NPNT: variants seen among roughly 807,000 people sequenced by gnomAD.
NPNT encodes preosteoblast EGF-like repeat protein with MAM domain.
In NPNT, 45 loss-of-function variants were observed where a neutral mutation model predicts 68.6. The ratio of observed to expected loss-of-function variants is 0.66; its 90% CI spans 0.52 to 0.84. The LOEUF is 0.84. Among genes scored for constraint, NPNT ranks in the 40% least tolerant of loss-of-function variants. The probability of loss-of-function intolerance (pLI) is 0.00; values close to 1 mark genes in which losing one functional copy is unlikely to be tolerated. For missense variants in NPNT, 672 were observed against 714.8 expected (o/e 0.94, Z 0.68); for synonymous variants, 233 against 253.3 (o/e 0.92, Z 0.76).
At chr4:105,954,632 C>T (rs1731077447) in intron 8 of NPNT, among the ~76,000 whole-genome samples, 1 of 152,136 alleles carries the variant, frequency 6.6e-6, no homozygotes, top group Admixed American at 6.6e-5. Flanking sequence ...CCATTTGATG[C>T]CCTTCCTCCT....
chr4:105,899,041 A>C (rs1726188920), intron 2 of NPNT, among the ~76,000 whole-genome samples: 1 of 152,156 alleles, frequency 6.6e-6, no homozygotes, highest in African/African-American at 2.4e-5. Flanking sequence ...CCTGCCTTAG[A>C]GATGGGTTGC....
chr4:105,925,678 G>A (rs1262443810), intron 2 of NPNT, among the ~76,000 whole-genome samples: 1 of 152,074 alleles, frequency 6.6e-6, no homozygotes, highest in African/African-American at 2.4e-5. Flanking sequence ...ATTCCCCTTG[G>A]TCTTCAAGGA....
At chr4:105,898,034 G>A (rs1726020813) in intron 2 of NPNT, 33 bp downstream of exon 2, 1 of 1,436,316 alleles carries the variant, frequency 7.0e-7, no homozygotes, top group Non-Finnish European at 9.6e-7. Context: ...TCAGTTCCCT[G>A]GGAGGTGTGG....
intron 2 of NPNT, among the ~76,000 whole-genome samples, chr4:105,924,312 G>A (rs751425650): frequency 3.3e-5 from 5 of 152,066 alleles, no homozygotes; most frequent in Admixed American, 6.6e-5. Context: ...TGTTTGATAC[G>A]TATTTATTGA....
chr4:105,951,175 C>T (rs1370669268), intron 8 of NPNT, among the ~76,000 whole-genome samples: 3 of 152,110 alleles, frequency 2.0e-5, no homozygotes, highest in Non-Finnish European at 2.9e-5. Context: ...GCAATTGTGC[C>T]TAGGCATGTG....
chr4:105,913,868 A>G (rs1320855025), intron 2 of NPNT, among the ~76,000 whole-genome samples: 1 of 152,110 alleles, frequency 6.6e-6, no homozygotes, highest in African/African-American at 2.4e-5. Flanking sequence ...GTTGTCTAAC[A>G]GTGTTTGTGC....
At chr4:105,910,886 T>G (rs1727309676) in intron 2 of NPNT, among the ~76,000 whole-genome samples, 2 of 152,120 alleles carry the variant, frequency 1.3e-5, no homozygotes, top group Admixed American at 6.6e-5. Context: ...ATACAACTAG[T>G]TAGAACATAA....
At chr4:105,960,137 C>A (rs1731603216) in intron 10 of NPNT, among the ~76,000 whole-genome samples, 1 of 152,088 alleles carries the variant, frequency 6.6e-6, no homozygotes, top group Admixed American at 6.5e-5. Flanking sequence ...TGGATAAGGC[C>A]TACTTAATGG....
intron 2 of NPNT, among the ~76,000 whole-genome samples, chr4:105,922,584 G>T (rs1164885025): frequency 6.6e-6 from 1 of 151,682 alleles, no homozygotes; most frequent in East Asian, 1.9e-4. Flanking sequence ...TACCATGTTG[G>T]CCAGGCTGGT....
At chr4:105,922,051 G>C (rs188647687) in intron 2 of NPNT, among the ~76,000 whole-genome samples, 1 of 152,078 alleles carries the variant, frequency 6.6e-6, no homozygotes, top group African/African-American at 2.4e-5. Context: ...ATAATAACAT[G>C]ATGTAGATTG....
chr4:105,923,235 A>G (rs1728395047), intron 2 of NPNT, among the ~76,000 whole-genome samples: 1 of 152,174 alleles, frequency 6.6e-6, no homozygotes, highest in African/African-American at 2.4e-5. Context: ...GCCAGTTTAT[A>G]CAGAGGTTGG....
intron 4 of NPNT, 55 bp from the exon 5 acceptor site, chr4:105,938,246 C>A: frequency 1.3e-6 from 2 of 1,583,486 alleles, no homozygotes. Flanking sequence ...ATAGCTATTT[C>A]CATTACAGAT....
At chr4:105,912,163 C>A (rs765830087) in intron 2 of NPNT, 2 of 1,517,338 alleles carry the variant, frequency 1.3e-6, no homozygotes, top group South Asian at 1.2e-5. Flanking sequence ...TCTGGAATTT[C>A]TTTTTTTGGA....
intron 1 of NPNT, among the ~76,000 whole-genome samples, chr4:105,896,893 T>A (rs1316993533): frequency 6.6e-6 from 1 of 152,156 alleles, no homozygotes; most frequent in Non-Finnish European, 1.5e-5. Context: ...ATAAGGAGAC[T>A]TTAAGAAAAC....
intron 2 of NPNT, among the ~76,000 whole-genome samples, chr4:105,918,470 A>G (rs2149342084): frequency 6.6e-6 from 1 of 152,344 alleles, no homozygotes; most frequent in South Asian, 2.1e-4. Flanking sequence ...ATTTCATCAT[A>G]TTCTATGAAT....
At chr4:105,923,602 C>T (rs551235174) in intron 2 of NPNT, among the ~76,000 whole-genome samples, 1 of 152,154 alleles carries the variant, frequency 6.6e-6, no homozygotes, top group South Asian at 2.1e-4. Flanking sequence ...CTTGCTCTAC[C>T]CTCTTTCCAT....
chr4:105,905,586 T>C (rs1182087909), intron 2 of NPNT, among the ~76,000 whole-genome samples: 1 of 152,254 alleles, frequency 6.6e-6, no homozygotes, highest in African/African-American at 2.4e-5. Flanking sequence ...TATTTAAACC[T>C]GACTCATTCT....
intron 10 of NPNT, 51 bp downstream of exon 10, chr4:105,959,177 A>C (rs1222335108): frequency 9.1e-7 from 1 of 1,093,686 alleles, no homozygotes; most frequent in African/African-American, 1.5e-5. Flanking sequence ...ATGTGATACT[A>C]TCTGAAGACT....
At chr4:105,918,063 C>T (rs942251859) in intron 2 of NPNT, among the ~76,000 whole-genome samples, 4 of 152,186 alleles carry the variant, frequency 2.6e-5, no homozygotes, top group African/African-American at 9.6e-5. Context: ...TGTGCCATCA[C>T]TTACATGACC....
Sources: gnomAD v4.1 joint callset for allele counts (sites outside exome capture counted in the v4.1 genomes callset) on GRCh38, gnomAD v4.1.1 for gene constraint, MANE v1.5 for transcripts, NCBI Gene and HGNC (gene_info 2026-07-23, HGNC 2026-07-21) for gene names.